LRMDA: variants seen among roughly 807,000 people sequenced by gnomAD.
LRMDA encodes leucine-rich melanocyte differentiation-associated protein.
LRMDA carries 18 observed loss-of-function variants against 29.8 expected under a neutral mutation model. That is an observed-to-expected ratio of 0.60 (90% CI 0.42 to 0.90). LRMDA has a LOEUF of 0.90. LRMDA is among the 40% of genes least tolerant of loss of function. The pLI is 0.00. For missense variants in LRMDA, 273 were observed against 273.9 expected, an observed-to-expected ratio of 1.00 and a Z score of 0.02; for synonymous variants, 125 against 109.4, an observed-to-expected ratio of 1.14 and a Z score of -0.89.
chr10:75,543,154 G>C (rs1372236802), intron 2 of LRMDA, among the ~76,000 whole-genome samples: 1 of 152,202 alleles, frequency 6.6e-6, no homozygotes, highest in Non-Finnish European at 1.5e-5. Context: ...AGTGGTGCTG[G>C]CCATGCCAGA....
chr10:75,485,499 T>C (rs944524068), intron 2 of LRMDA, among the ~76,000 whole-genome samples: 2 of 152,122 alleles, frequency 1.3e-5, no homozygotes, highest in Non-Finnish European at 2.9e-5. Context: ...AGAGCTTAAG[T>C]GATTCTTGTT....
intron 2 of LRMDA, among the ~76,000 whole-genome samples, chr10:75,588,608 G>T (rs1840683906): frequency 6.6e-6 from 1 of 151,982 alleles, no homozygotes; most frequent in Non-Finnish European, 1.5e-5. Context: ...GTGAGTGGAG[G>T]TTTATTTATT....
intron 1 of LRMDA, among the ~76,000 whole-genome samples, chr10:75,433,962 C>T (rs1052237565): frequency 3.9e-5 from 6 of 152,180 alleles, no homozygotes; most frequent in African/African-American, 1.4e-4. Flanking sequence ...AGGAGCTCCA[C>T]AGGCCTATGA....
intron 1 of LRMDA, among the ~76,000 whole-genome samples, chr10:75,433,531 G>T (rs1280212967): frequency 1.3e-5 from 2 of 152,138 alleles, no homozygotes; most frequent in Admixed American, 6.5e-5. Context: ...GTCTGGCCCC[G>T]GAGGTGGTTT....
chr10:76,529,855 C>G (rs1403314008), intron 6 of LRMDA, among the ~76,000 whole-genome samples: 3 of 152,140 alleles, frequency 2.0e-5, no homozygotes, highest in Admixed American at 1.3e-4. Context: ...TCTGAAGCTA[C>G]CTCCTGTACA....
At chr10:76,128,903 T>TCTAC (rs1221348580) in intron 5 of LRMDA, among the ~76,000 whole-genome samples, 3 of 152,208 alleles carry the variant, frequency 2.0e-5, no homozygotes, top group Non-Finnish European at 2.9e-5. Context: ...CCAAGGAGCG[T>TCTAC]CTACCTTATT....
At chr10:76,406,876 A>G (rs1435685761) in intron 6 of LRMDA, among the ~76,000 whole-genome samples, 6 of 152,084 alleles carry the variant, frequency 3.9e-5, no homozygotes, top group Admixed American at 3.3e-4. Context: ...AGGTAGAAAA[A>G]CTTCAAAGTT....
intron 5 of LRMDA, among the ~76,000 whole-genome samples, chr10:76,185,860 G>A (rs1454536416): frequency 3.3e-5 from 5 of 152,042 alleles, no homozygotes; most frequent in African/African-American, 2.4e-5. Context: ...CCAGAAACTC[G>A]GGATCTCTAT....
intron 2 of LRMDA, among the ~76,000 whole-genome samples, chr10:75,873,393 C>T (rs779925320): frequency 2.2e-4 from 34 of 152,152 alleles, no homozygotes; most frequent in Non-Finnish European, 4.0e-4. Flanking sequence ...GCCTTCGAAT[C>T]ATTCCTTTTA....
intron 2 of LRMDA, among the ~76,000 whole-genome samples, chr10:75,732,300 G>T (rs1176908342): frequency 6.6e-6 from 1 of 152,172 alleles, no homozygotes; most frequent in Non-Finnish European, 1.5e-5. Flanking sequence ...AGCATCAATT[G>T]ATGCGGAAGA....
At chr10:76,149,756 G>C (rs1174363121) in intron 5 of LRMDA, among the ~76,000 whole-genome samples, 2 of 152,126 alleles carry the variant, frequency 1.3e-5, no homozygotes, top group Non-Finnish European at 2.9e-5. Flanking sequence ...AATGCCTTTG[G>C]GTCTGTTGGA....
intron 2 of LRMDA, among the ~76,000 whole-genome samples, chr10:75,889,176 C>T (rs1045641116): frequency 3.3e-5 from 5 of 152,030 alleles, no homozygotes; most frequent in Non-Finnish European, 5.9e-5. Context: ...AGCCTGTGTG[C>T]GAGATTCTTA....
At chr10:75,780,023 G>T (rs900383655) in intron 2 of LRMDA, among the ~76,000 whole-genome samples, 1 of 152,136 alleles carries the variant, frequency 6.6e-6, no homozygotes, top group Non-Finnish European at 1.5e-5. Context: ...GAGGGAAGAA[G>T]GCCATATGAA....
rs534469877 is a variant in LRMDA, at chr10:76,272,377, C to T, written c.517-52024C>T. On this transcript the variant is annotated intron_variant, in intron 5 of 6. Transcript: ENST00000611255. ...GCTGCTTTGTTTCCAGATAGTTCTACAGCTCTTCAATAGAACCTGGAATCC... is the reference window on the plus strand; with the variant it reads ...GCTGCTTTGTTTCCAGATAGTTCTATAGCTCTTCAATAGAACCTGGAATCC... Among the ~76,000 whole-genome samples, 31 of 152,300 alleles carry T rather than the reference C, an allele frequency of 2.0e-4. 1 individual carries two copies. The South Asian group carries it at 2.9e-3, about 14-fold the overall frequency.
chr10:75,617,361 G>A (rs1302177604), intron 2 of LRMDA, among the ~76,000 whole-genome samples: 2 of 152,138 alleles, frequency 1.3e-5, no homozygotes, highest in Non-Finnish European at 2.9e-5. Context: ...GGCTGGTTGG[G>A]AGTACATGGT....
At chr10:76,431,068 C>A (rs1842185493) in intron 6 of LRMDA, among the ~76,000 whole-genome samples, 2 of 152,126 alleles carry the variant, frequency 1.3e-5, no homozygotes, top group African/African-American at 4.8e-5. Context: ...AGCTTTATCT[C>A]TACAGTTCAA....
intron 5 of LRMDA, among the ~76,000 whole-genome samples, chr10:76,173,328 G>GA (rs1300486898): frequency 6.6e-6 from 1 of 151,016 alleles, no homozygotes; most frequent in African/African-American, 2.4e-5. Flanking sequence ...ATCAGAAGAA[G>GA]AAAAAAAATA....
chr10:75,572,987 A>G (rs1238378954), intron 2 of LRMDA, among the ~76,000 whole-genome samples: 1 of 152,210 alleles, frequency 6.6e-6, no homozygotes, highest in African/African-American at 2.4e-5. Flanking sequence ...TTTCTTTAAC[A>G]TTGATCATGG....
intron 2 of LRMDA, among the ~76,000 whole-genome samples, chr10:75,702,613 G>GA (rs532504068): frequency 6.6e-5 from 10 of 152,090 alleles, no homozygotes; most frequent in South Asian, 4.1e-4. Flanking sequence ...TTTGGAAAGG[G>GA]AAAAAAACCC....
Sources: gnomAD v4.1 joint callset for allele counts (sites outside exome capture counted in the v4.1 genomes callset) on GRCh38, gnomAD v4.1.1 for gene constraint, MANE v1.5 for transcripts, NCBI Gene and HGNC (gene_info 2026-07-23, HGNC 2026-07-21) for gene names.